DENND1A: variants seen among roughly 807,000 people sequenced by gnomAD.
The protein encoded by DENND1A is DENN domain containing 1A.
Under a neutral mutation model 113.7 loss-of-function variants are expected in DENND1A, and 51 were observed. The ratio of observed to expected loss-of-function variants is 0.45; its 90% CI spans 0.36 to 0.57. The LOEUF (loss-of-function observed/expected upper bound fraction) is 0.57, where lower values mean the gene tolerates loss of function less well. Ranked by LOEUF, DENND1A falls within the 20% of genes least tolerant of loss-of-function variation. The probability of loss-of-function intolerance (pLI) is 0.00; values close to 1 mark genes in which losing one functional copy is unlikely to be tolerated. For synonymous variants in DENND1A, 565 were observed against 570.8 expected, an observed-to-expected ratio of 0.99 and a Z score of 0.14; for missense variants, 1,258 against 1,395.9, an observed-to-expected ratio of 0.90 and a Z score of 1.57.
intron 1 of DENND1A, among the ~76,000 whole-genome samples, chr9:123,903,361 G>A (rs1852080252): frequency 7.6e-6 from 1 of 131,300 alleles, no homozygotes; most frequent in South Asian, 2.3e-4. Context: ...AAAAAAAACT[G>A]GAAAAAAAGA....
At chr9:123,706,154 T>C (rs543520163) in intron 5 of DENND1A, among the ~76,000 whole-genome samples, 1 of 150,624 alleles carries the variant, frequency 6.6e-6, no homozygotes, top group South Asian at 2.1e-4. Context: ...TCTTTTTTTT[T>C]TTTTTTTGAG....
intron 9 of DENND1A, among the ~76,000 whole-genome samples, chr9:123,639,860 A>T (rs1209531177): frequency 1.3e-5 from 2 of 152,134 alleles, no homozygotes; most frequent in Non-Finnish European, 1.5e-5. Flanking sequence ...CCAATCACTG[A>T]GAACAGTGCT....
chr9:123,395,468 C>CTGTG (rs60527655), intron 21 of DENND1A, among the ~76,000 whole-genome samples: 1,635 of 142,964 alleles, frequency 0.011, 26 homozygotes, highest in African/African-American at 0.042. Flanking sequence ...CTCTCTCTCT[C>CTGTG]TGTGTGTGTG....
intron 13 of DENND1A, among the ~76,000 whole-genome samples, chr9:123,546,610 G>A (rs2056719622): frequency 6.6e-6 from 1 of 151,904 alleles, no homozygotes; most frequent in African/African-American, 2.4e-5. Flanking sequence ...ATGACCACCA[G>A]CCTTTCTGAT....
At chr9:123,563,546 G>A (rs1459690561) in intron 12 of DENND1A, among the ~76,000 whole-genome samples, 1 of 152,210 alleles carries the variant, frequency 6.6e-6, no homozygotes, top group Admixed American at 6.5e-5. Context: ...ATAAAATGAA[G>A]AATGGATGTA....
At chr9:123,740,305 T>C (rs995449179) in intron 5 of DENND1A, among the ~76,000 whole-genome samples, 1 of 152,222 alleles carries the variant, frequency 6.6e-6, no homozygotes, top group African/African-American at 2.4e-5. Context: ...AGAAATCTGG[T>C]TTTCTTAATA....
chr9:123,784,011 A>T (rs544598683), intron 3 of DENND1A, among the ~76,000 whole-genome samples: 106 of 152,350 alleles, frequency 7.0e-4, no homozygotes, highest in African/African-American at 2.4e-3. Context: ...GTGTATAAAC[A>T]GAAGTATACT....
chr9:123,661,101 C>T (rs540015622), intron 8 of DENND1A, among the ~76,000 whole-genome samples: 2 of 152,168 alleles, frequency 1.3e-5, no homozygotes, highest in African/African-American at 2.4e-5. Context: ...GGCACAGCAC[C>T]GAGCATTCAG....
chr9:123,690,103 AGGGAGGAAGAAAAAGGAGGGAGGG>A (rs1378304042), intron 5 of DENND1A, among the ~76,000 whole-genome samples: 18 of 67,758 alleles, frequency 2.7e-4, no homozygotes, highest in South Asian at 1.5e-3. Context: ...GGAGGGAGGG[AGGGAGGAAGAAAAAGGAGGGAGGG>A]GGGAAGAAGG....
chr9:123,457,969 G>T, intron 13 of DENND1A, 72 bp from the exon 14 acceptor site: 3 of 1,197,086 alleles, frequency 2.5e-6, no homozygotes, highest in East Asian at 2.6e-5. Context: ...ATTCCTATTT[G>T]CAGAGTTTCT....
intron 13 of DENND1A, among the ~76,000 whole-genome samples, chr9:123,516,154 AC>A: frequency 2.0e-5 from 2 of 98,500 alleles, no homozygotes; most frequent in African/African-American, 1.0e-4. Flanking sequence ...ACACACACAC[AC>A]AAAGGTTGGG....
chr9:123,905,277 A>G (rs558560745), intron 1 of DENND1A, among the ~76,000 whole-genome samples: 133 of 152,098 alleles, frequency 8.7e-4, no homozygotes, highest in African/African-American at 2.8e-3. Context: ...GACCATCGAG[A>G]CTAGGAAGAA....
chr9:123,684,345 G>A (rs974239023), intron 5 of DENND1A, among the ~76,000 whole-genome samples: 4 of 151,762 alleles, frequency 2.6e-5, no homozygotes, highest in Non-Finnish European at 2.9e-5. Context: ...CTCTCCAAAC[G>A]CACCAAAGAG....
intron 13 of DENND1A, among the ~76,000 whole-genome samples, chr9:123,476,160 G>A (rs1175433910): frequency 6.6e-6 from 1 of 151,922 alleles, no homozygotes; most frequent in African/African-American, 2.4e-5. Context: ...CTACAGCCTG[G>A]GTGACAGAGA....
chr9:123,401,418 G>T, intron 21 of DENND1A: 1 of 987,008 alleles, frequency 1.0e-6, no homozygotes, highest in Non-Finnish European at 1.2e-6. Flanking sequence ...TGGTATTATG[G>T]GAGAACAACT....
intron 5 of DENND1A, among the ~76,000 whole-genome samples, chr9:123,730,343 T>G (rs2068066466): frequency 1.3e-5 from 2 of 151,972 alleles, no homozygotes; most frequent in African/African-American, 4.8e-5. Flanking sequence ...GGGAGAAAAT[T>G]TTTGCAATCT....
intron 2 of DENND1A, among the ~76,000 whole-genome samples, chr9:123,851,760 G>A (rs932126672): frequency 2.6e-5 from 4 of 152,170 alleles, no homozygotes; most frequent in Non-Finnish European, 5.9e-5. Context: ...AGGCTCCTAC[G>A]GGGAGAAACA....
At chr9:123,668,501 A>T (rs1315003668) in intron 7 of DENND1A, among the ~76,000 whole-genome samples, 1 of 152,240 alleles carries the variant, frequency 6.6e-6, no homozygotes, top group Non-Finnish European at 1.5e-5. Context: ...TATTATCTCC[A>T]TATTACAAAT....
chr9:123,912,089 C>T (rs574304943), intron 1 of DENND1A, among the ~76,000 whole-genome samples: 6 of 152,046 alleles, frequency 3.9e-5, no homozygotes, highest in Admixed American at 6.5e-5. Context: ...GGTGATTACA[C>T]GAGTATATAA....
Sources: allele counts gnomAD v4.1 joint callset (sites outside exome capture counted in the v4.1 genomes callset), GRCh38; gene constraint gnomAD v4.1.1; transcripts MANE v1.5; gene names NCBI Gene and HGNC (gene_info 2026-07-23, HGNC 2026-07-21).